The following CCR5AS variants were observed in gnomAD, a reference collection of about 807,000 sequenced individuals.
The protein encoded by CCR5AS is CCR5 antisense RNA.
intron 1 of CCR5AS, among the ~76,000 whole-genome samples, chr3:46,403,904 A>G (rs1207231636): frequency 6.6e-6 from 1 of 152,178 alleles, no homozygotes; most frequent in Admixed American, 6.5e-5. Context: ...CAAAAGAACA[A>G]AAACAAAATA....
At chr3:46,373,620 A>G (rs1251004504) in intron 2 of CCR5AS, 2 of 1,613,918 alleles carry the variant, frequency 1.2e-6, no homozygotes, top group Non-Finnish European at 1.7e-6. Context: ...TATCTTCACC[A>G]TCATGATTGT....
At chr3:46,380,819 G>C (rs1184944569) in intron 2 of CCR5AS, among the ~76,000 whole-genome samples, 1 of 152,232 alleles carries the variant, frequency 6.6e-6, no homozygotes, top group Non-Finnish European at 1.5e-5. Flanking sequence ...CTGCATTGCT[G>C]CCCTGTGGTT....
In CCR5AS at chr3:46,385,020, A is replaced by T. The variant is rs897717571; in HGVS notation, n.391+7805T>A. 2.6e-5 allele frequency among the ~76,000 whole-genome samples: 4 copies of T among 152,248 alleles called. No individual in the cohort carries two copies. In the South Asian group the frequency reaches 8.3e-4, roughly 32 times the overall value. On this transcript the variant is annotated intron_variant and non_coding_transcript_variant, in intron 2 of 3. Transcript: ENST00000451485. ...GTGGGCAGTATGGAGTGACAAGAAG[A>T]TTGGGAGGTACTCCTTCTAGCCCTC... is the stretch of plus-strand genomic sequence containing the variant.
At chr3:46,390,326 G>A (rs1701899731) in intron 2 of CCR5AS, among the ~76,000 whole-genome samples, 1 of 152,128 alleles carries the variant, frequency 6.6e-6, no homozygotes, top group Admixed American at 6.5e-5. Context: ...TGGCACTATA[G>A]GATGGATGGG....
chr3:46,373,127 T>C lies in CCR5AS; in HGVS notation n.392-1710A>G, dbSNP rs1800941. 489 of 1,614,052 alleles carry C rather than the reference T, an allele frequency of 3.0e-4. 1 individual carries two copies. The African/African-American group carries it at 6.1e-3, about 20-fold the overall frequency. ...TCTACCTGCTCAACCTGGCCATCTC[T>C]GACCTGTTTTTCCTTCTTACTGTCC... On this transcript the variant is annotated intron_variant and non_coding_transcript_variant, in intron 2 of 3. Coordinates refer to ENST00000451485, the Ensembl canonical transcript of CCR5AS.
chr3:46,373,298 T>C (rs1701694196), intron 2 of CCR5AS: 2 of 1,614,188 alleles, frequency 1.2e-6, no homozygotes, highest in Non-Finnish European at 8.5e-7. Context: ...CTGTCGTCCA[T>C]GCTGTGTTTG....
intron 2 of CCR5AS, among the ~76,000 whole-genome samples, chr3:46,384,994 A>T (rs1701847531): frequency 6.6e-6 from 1 of 152,174 alleles, no homozygotes; most frequent in Admixed American, 6.5e-5. Context: ...GATCAGGAGC[A>T]GTGGGCAGTA....
chr3:46,402,855 C>T (rs759981717), intron 1 of CCR5AS, among the ~76,000 whole-genome samples: 12 of 152,188 alleles, frequency 7.9e-5, no homozygotes, highest in Non-Finnish European at 1.8e-4. Context: ...AAGCCCAGTA[C>T]TCAATAGGTA....
At chr3:46,376,786 C>G (rs895675202) in intron 2 of CCR5AS, among the ~76,000 whole-genome samples, 1 of 152,134 alleles carries the variant, frequency 6.6e-6, no homozygotes, top group Non-Finnish European at 1.5e-5. Flanking sequence ...TGGAGGGGAC[C>G]CGTCTGGGTC....
chr3:46,390,261 G>A (rs143411733), intron 2 of CCR5AS, among the ~76,000 whole-genome samples: 6,878 of 152,124 alleles, frequency 0.045, 499 homozygotes, highest in African/African-American at 0.15. Flanking sequence ...CTTTGAGGTC[G>A]ATAACAGAAT....
intron 3 of CCR5AS, among the ~76,000 whole-genome samples, chr3:46,366,041 C>A (rs1251614067): frequency 6.6e-6 from 1 of 152,210 alleles, no homozygotes; most frequent in East Asian, 1.9e-4. Context: ...AGGAGAGATG[C>A]CCTCACTCGC....
exon 4 of CCR5AS, among the ~76,000 whole-genome samples, chr3:46,364,664 T>C (rs1007673284): frequency 1.1e-4 from 16 of 151,908 alleles, no homozygotes; most frequent in African/African-American, 3.6e-4. Context: ...TTATATAGTT[T>C]ATATAGCTAC....
intron 1 of CCR5AS, among the ~76,000 whole-genome samples, chr3:46,395,554 A>T (rs1157126004): frequency 6.6e-6 from 1 of 152,178 alleles, no homozygotes; most frequent in Non-Finnish European, 1.5e-5. Flanking sequence ...AGAGTAAGGT[A>T]AGAGTGGAAA....
intron 2 of CCR5AS, among the ~76,000 whole-genome samples, chr3:46,390,721 T>A (rs1239876997): frequency 6.6e-6 from 1 of 151,998 alleles, no homozygotes; most frequent in Non-Finnish European, 1.5e-5. Context: ...AAGCAGATAA[T>A]TTGGTTAAAA....
intron 2 of CCR5AS, among the ~76,000 whole-genome samples, chr3:46,380,959 C>T (rs187058782): frequency 6.6e-6 from 1 of 152,312 alleles, no homozygotes; most frequent in Non-Finnish European, 1.5e-5. Flanking sequence ...GTGGCATGTG[C>T]ACCAGGAAGA....
chr3:46,378,977 A>G (rs1402347889), intron 2 of CCR5AS, among the ~76,000 whole-genome samples: 1 of 150,922 alleles, frequency 6.6e-6, no homozygotes, highest in Non-Finnish European at 1.5e-5. Flanking sequence ...AAATAATCAA[A>G]TGTGATTTGA....
intron 1 of CCR5AS, among the ~76,000 whole-genome samples, chr3:46,394,734 G>A (rs896983096): frequency 6.6e-6 from 1 of 152,174 alleles, no homozygotes; most frequent in Non-Finnish European, 1.5e-5. Flanking sequence ...AGGAATTTCT[G>A]TGGAAACGGT....
chr3:46,406,556 T>G (rs1218448051), intron 1 of CCR5AS, among the ~76,000 whole-genome samples: 6 of 152,032 alleles, frequency 3.9e-5, no homozygotes, highest in Non-Finnish European at 5.9e-5. Context: ...GGGGTTAAAC[T>G]TGTCCTCCTC....
In CCR5AS at chr3:46,388,155, C is replaced by T. The variant is rs1701878919; in HGVS notation, n.391+4670G>A. Among the ~76,000 whole-genome samples the T allele has an allele frequency of 2.6e-5, 4 of 152,024 alleles. No individual in the cohort carries two copies. The South Asian group carries it at 8.3e-4, about 32-fold the overall frequency. ...TGTCTTCTTATATTAATAAGAAAAA[C>T]AAAACAAAATAGTGATGAAATGTTG... On this transcript the variant is annotated intron_variant and non_coding_transcript_variant, in intron 2 of 3. Transcript: ENST00000451485.
Sources: allele counts gnomAD v4.1 joint callset (sites outside exome capture counted in the v4.1 genomes callset), GRCh38; gene constraint gnomAD v4.1.1; transcripts MANE v1.5; gene names NCBI Gene and HGNC (gene_info 2026-07-23, HGNC 2026-07-21).